The following TOGARAM2 variants were observed in gnomAD, a reference collection of about 807,000 sequenced individuals.
The protein encoded by TOGARAM2 is TOG array regulator of axonemal microtubules 2.
TOGARAM2 carries 85 observed loss-of-function variants against 93.3 expected under a neutral mutation model. The observed-to-expected ratio is 0.91, with a 90% CI of 0.76 to 1.09. The LOEUF (loss-of-function observed/expected upper bound fraction) is 1.09, where lower values mean the gene tolerates loss of function less well. TOGARAM2 is among the 50% of genes least tolerant of loss of function. The pLI is 0.00. For synonymous variants in TOGARAM2, 593 were observed against 552.8 expected (o/e 1.07, Z -1.02); for missense variants, 1,277 against 1,334.5 (o/e 0.96, Z 0.67).
Position 29,017,147 on chromosome 2 carries a change from G to A in TOGARAM2, c.1045-7G>A. 1.2e-6 allele frequency: 2 copies of A among 1,611,978 alleles called. No individual in the cohort carries two copies. Among genetic ancestry groups the A allele is most frequent in the Non-Finnish European group, 1.7e-6 (2 of 1,179,146 alleles). ...GGTTAATAGAGTTTGCCTTGACCTTGTGCCAGATCCAAGTCACCATCTCCA... is the reference window on the plus strand; with the variant it reads ...GGTTAATAGAGTTTGCCTTGACCTTATGCCAGATCCAAGTCACCATCTCCA... On this transcript the variant is annotated splice_region_variant and splice_polypyrimidine_tract_variant and intron_variant, in intron 8 of 19. Coordinates refer to ENST00000379558, the MANE Select transcript of TOGARAM2 (RefSeq NM_199280.4).
intron 1 of TOGARAM2, among the ~76,000 whole-genome samples, chr2:28,967,723 A>G (rs1671886354): frequency 2.0e-5 from 3 of 149,776 alleles, no homozygotes; most frequent in Admixed American, 1.3e-4. Flanking sequence ...ACCTTCCACG[A>G]GTGTCAATTT....
Position 29,051,739 on chromosome 2 carries a change from C to T in TOGARAM2, c.2723-17C>T, listed in dbSNP as rs1253045758. ...GAGAGTGCCTGGCTCAAGTGACTCT[C>T]CTTTTCTGCCTGACAGTGCTGGTGG... On this transcript the variant is annotated splice_polypyrimidine_tract_variant and intron_variant, in intron 19 of 19. Transcript: ENST00000379558. 6.8e-7 allele frequency: 1 copy of T among 1,468,790 alleles called. No individual in the cohort carries two copies. The highest frequency in any genetic ancestry group is 9.1e-7 in the Non-Finnish European group (1 of 1,101,738). The allele number at this position is 1,468,790 out of a possible 1,614,324, so 91.0% of individuals were successfully genotyped here.
chr2:29,005,801 A>AGTGCATGTGT (rs1663726642), intron 6 of TOGARAM2, among the ~76,000 whole-genome samples: 1 of 130,344 alleles, frequency 7.7e-6, no homozygotes, highest in Non-Finnish European at 1.6e-5. Context: ...CATGTGTATG[A>AGTGCATGTGT]GTGCATGTGT....
chr2:28,978,431 G>T (rs1037448679), upstream of TOGARAM2, among the ~76,000 whole-genome samples: 3 of 152,076 alleles, frequency 2.0e-5, no homozygotes, highest in African/African-American at 7.2e-5. Context: ...GTGTGTTCAG[G>T]GTATCTAGTC....
chr2:28,961,195 C>G (rs967997564), intron 1 of TOGARAM2, among the ~76,000 whole-genome samples: 1 of 151,890 alleles, frequency 6.6e-6, no homozygotes, highest in Non-Finnish European at 1.5e-5. Context: ...CTAGAAGCTC[C>G]GAGACTGATA....
rs1664245334 is a variant in TOGARAM2, at chr2:29,011,484, A to C, written c.860A>C (p.Lys287Thr). 1 of 1,607,106 alleles carries C rather than the reference A, an allele frequency of 6.2e-7. No individual in the cohort carries two copies. Among genetic ancestry groups the C allele is most frequent in the Admixed American group, 1.7e-5 (1 of 58,500 alleles). The change falls in exon 7 of 20, where the codon AAG becomes ACG. Residue 287 changes from lysine to threonine, a missense_variant. Physicochemically the swap from Lys to Thr is moderately conservative, Grantham distance 78 (BLOSUM62 -1). Coordinates refer to ENST00000379558, the MANE Select transcript of TOGARAM2 (RefSeq NM_199280.4). The part of the protein sequence containing the change: ...RLARGSGPRE[K>T]TPASLEPKPL... ...GCTCGGGGGAGTGGGCCTCGGGAGA[A>C]GACCCCTGCATCTCTGGGTACGTAT...
In TOGARAM2 at chr2:28,991,447, T is replaced by C. The variant is rs73922930; in HGVS notation, c.-110-3278T>C. 2.0e-3 allele frequency among the ~76,000 whole-genome samples: 299 copies of C among 152,328 alleles called. 1 individual carries two copies. The highest frequency in any genetic ancestry group is 6.9e-3 in the African/African-American group (285 of 41,584). ...AACGCTGCCACCTTTCCCCTCAGCC[T>C]GGCTCACCCCTCCTTCCTTTCTCTG... On this transcript the variant is annotated intron_variant, in intron 1 of 19. Coordinates refer to ENST00000379558, the MANE Select transcript of TOGARAM2 (RefSeq NM_199280.4).
In TOGARAM2 at chr2:29,023,152, C is replaced by T. The variant is rs373156760; in HGVS notation, c.1578C>T (p.Thr526=). The change falls in exon 12 of 20, where the codon ACC becomes ACT. Residue 526 remains threonine (T), a synonymous_variant. Transcript: ENST00000379558. ...CAGCCTGTCACTCAGAGGTCCTCACCGGGAAGCTGCACGACGTGTGCTTGG... is the reference window on the plus strand; with the variant it reads ...CAGCCTGTCACTCAGAGGTCCTCACTGGGAAGCTGCACGACGTGTGCTTGG... ...RLAACHSEVL[T]GKLHDVCLVV... 1.3e-4 allele frequency: 206 copies of T among 1,600,414 alleles called. No individual in the cohort carries two copies. Among genetic ancestry groups the T allele is most frequent in the South Asian group, 7.0e-4 (62 of 88,202 alleles).
At chr2:29,015,909 C>T (rs1460160717) in intron 8 of TOGARAM2, among the ~76,000 whole-genome samples, 1 of 152,138 alleles carries the variant, frequency 6.6e-6, no homozygotes, top group Non-Finnish European at 1.5e-5. Flanking sequence ...TTTATACTGA[C>T]CCGCTAGGTC....
chr2:29,017,891 G>A lies in TOGARAM2; in HGVS notation c.1295G>A (p.Ser432Asn), dbSNP rs1558438312. ...AGCATCATCCTGAGGAAGTGGGCCAGCCGGGCCTCCCTGCCCAGCATCCCC... is the reference window on the plus strand; with the variant it reads ...AGCATCATCCTGAGGAAGTGGGCCAACCGGGCCTCCCTGCCCAGCATCCCC... ...DVSIILRKWA[S>N]RASLPSIPIS... The change falls in exon 10 of 20, where the codon AGC becomes AAC. Residue 432 changes from serine to asparagine, a missense_variant. Physicochemically the swap from Ser to Asn is conservative, Grantham distance 46 (BLOSUM62 1). Transcript: ENST00000379558. The A allele has an allele frequency of 6.2e-7, 1 of 1,612,726 alleles. No homozygotes were observed. The highest frequency in any genetic ancestry group is 1.7e-5 in the Admixed American group (1 of 59,916).
At position 29,045,387 on chromosome 2, in the gene TOGARAM2, T is replaced by C. The variant is rs1376270967; in HGVS notation, c.2699T>C (p.Leu900Pro). 13 of 1,613,664 alleles carry C rather than the reference T, an allele frequency of 8.1e-6. No homozygotes were observed. The highest frequency in any genetic ancestry group is 1.0e-5 in the Non-Finnish European group (12 of 1,179,876). The change falls in exon 19 of 20, where the codon CTG (leucine) becomes CCG (proline). Residue 900 changes from leucine (L) to proline (P), a missense_variant. Coordinates refer to ENST00000379558, the MANE Select transcript of TOGARAM2 (RefSeq NM_199280.4). ...CGTTTCCTGAGTGGCCGTGCGGTGC[T>C]GGATGTCACAGATCGCCTGGCAGGT... The part of the protein sequence containing the change: ...RVRFLSGRAV[L>P]DVTDRLAVLV...
At chr2:28,960,214 A>G (rs1453853708) in intron 1 of TOGARAM2, among the ~76,000 whole-genome samples, 2 of 152,172 alleles carry the variant, frequency 1.3e-5, no homozygotes, top group East Asian at 3.8e-4. Flanking sequence ...GATCTACTAG[A>G]AAGTAAACTG....
At chr2:28,994,883 C>T (rs1245960408) in intron 2 of TOGARAM2, 21 bp downstream of exon 2, 1 of 1,551,786 alleles carries the variant, frequency 6.4e-7, no homozygotes, top group Non-Finnish European at 8.7e-7. Flanking sequence ...CCATGGGAGG[C>T]CTGCTGCTGG....
At chr2:28,957,035 C>T (rs910318326) in intron 1 of TOGARAM2, among the ~76,000 whole-genome samples, 1 of 150,674 alleles carries the variant, frequency 6.6e-6, no homozygotes, top group Non-Finnish European at 1.5e-5. Context: ...ATCCGGGAGG[C>T]GGAGGTTGCA....
chr2:29,012,734 T>C (rs1042661485), intron 7 of TOGARAM2, among the ~76,000 whole-genome samples: 3 of 152,246 alleles, frequency 2.0e-5, no homozygotes, highest in African/African-American at 7.2e-5. Context: ...GCAACTGGGC[T>C]GACACTGCCC....
intron 1 of TOGARAM2, among the ~76,000 whole-genome samples, chr2:28,967,943 C>A (rs545457710): frequency 6.6e-6 from 1 of 151,794 alleles, no homozygotes; most frequent in African/African-American, 2.4e-5. Context: ...CTCAGCCTCC[C>A]GGGTAGCTGG....
chr2:29,039,678 A>G (rs1666318901), intron 18 of TOGARAM2, among the ~76,000 whole-genome samples: 1 of 152,038 alleles, frequency 6.6e-6, no homozygotes, highest in Non-Finnish European at 1.5e-5. Context: ...TTGCTCCCTG[A>G]CCTCTGCCAT....
At chr2:29,029,622 G>T (rs375985768) in intron 14 of TOGARAM2, among the ~76,000 whole-genome samples, 62 of 145,262 alleles carry the variant, frequency 4.3e-4, no homozygotes, top group African/African-American at 1.5e-3. Context: ...CAGGTGTGGT[G>T]GCGGGTGCCT....
chr2:28,995,213 G>A (rs763819503), intron 2 of TOGARAM2, among the ~76,000 whole-genome samples: 3 of 152,240 alleles, frequency 2.0e-5, no homozygotes, highest in Admixed American at 6.5e-5. Flanking sequence ...CAGGGAGGGT[G>A]AACGACTCTG....
Sources: gnomAD v4.1 joint callset for allele counts (sites outside exome capture counted in the v4.1 genomes callset) on GRCh38, gnomAD v4.1.1 for gene constraint, MANE v1.5 for transcripts, NCBI Gene and HGNC (gene_info 2026-07-23, HGNC 2026-07-21) for gene names.